The following RBFOX1 variants were observed in gnomAD, a reference collection of about 807,000 sequenced individuals.
RBFOX1 encodes the protein RNA binding fox-1 homolog 1, also known as RNA binding protein fox-1 homolog 1.
A neutral mutation model predicts 57.7 loss-of-function variants in RBFOX1; 8 were observed. That is an observed-to-expected ratio of 0.14 (90% confidence interval 0.08 to 0.25). The LOEUF is 0.25. RBFOX1 is among the 10% of genes least tolerant of loss of function. The pLI, the probability that RBFOX1 is intolerant of heterozygous loss-of-function variation, is 1.00. For synonymous variants in RBFOX1, 326 were observed against 222.4 expected, an observed-to-expected ratio of 1.47 and a Z score of -4.15; for missense variants, 611 against 548.5, an observed-to-expected ratio of 1.11 and a Z score of -1.14.
intron 3 of RBFOX1, among the ~76,000 whole-genome samples, chr16:6,800,118 A>G (rs2085034277): frequency 6.6e-6 from 1 of 152,054 alleles, no homozygotes; most frequent in Non-Finnish European, 1.5e-5. Flanking sequence ...ATGCAGATGT[A>G]TTATCGTTCC....
At chr16:5,249,363 C>A (rs565784125) in intron 1 of RBFOX1, among the ~76,000 whole-genome samples, 2 of 152,162 alleles carry the variant, frequency 1.3e-5, no homozygotes, top group African/African-American at 4.8e-5. Context: ...GGGGCCTGGC[C>A]GGGGCTTGTG....
At chr16:7,690,631 C>T (rs2077110256) in intron 14 of RBFOX1, among the ~76,000 whole-genome samples, 1 of 151,740 alleles carries the variant, frequency 6.6e-6, no homozygotes, top group African/African-American at 2.4e-5. Flanking sequence ...TCCTGAGAGG[C>T]AGCCCCACTG....
intron 3 of RBFOX1, among the ~76,000 whole-genome samples, chr16:6,852,796 A>T (rs1182793623): frequency 6.6e-6 from 1 of 151,742 alleles, no homozygotes; most frequent in African/African-American, 2.4e-5. Context: ...GCTGGGAACT[A>T]GCTGTCCAGG....
chr16:6,194,130 C>T (rs564554909), intron 1 of RBFOX1, among the ~76,000 whole-genome samples: 1 of 152,230 alleles, frequency 6.6e-6, no homozygotes, highest in Non-Finnish European at 1.5e-5. Context: ...CGTTCCTTCC[C>T]TCATCCTCTC....
At chr16:5,240,009 G>T (rs1030458601) in exon 1 of RBFOX1, 291 of 1,531,288 alleles carry the variant, frequency 1.9e-4, no homozygotes, top group Non-Finnish European at 2.4e-4. Context: ...GGCTGGAGGG[G>T]GGAAGCGCAC....
chr16:7,618,993 G>A (rs1030663480), intron 10 of RBFOX1, among the ~76,000 whole-genome samples: 7 of 152,176 alleles, frequency 4.6e-5, no homozygotes, highest in African/African-American at 1.7e-4. Flanking sequence ...TATGCCGTAT[G>A]CTACGTTCTA....
At chr16:6,379,915 G>C (rs544881599) in intron 2 of RBFOX1, among the ~76,000 whole-genome samples, 65 of 152,290 alleles carry the variant, frequency 4.3e-4, no homozygotes, top group Non-Finnish European at 7.1e-4. Context: ...CTGGAAAGGG[G>C]CCTGATGGAG....
intron 1 of RBFOX1, among the ~76,000 whole-genome samples, chr16:6,220,962 G>T (rs12102657): frequency 0.44 from 66,822 of 151,850 alleles, 15,637 homozygotes; most frequent in East Asian, 0.75. Flanking sequence ...CACTCTGTGT[G>T]TGTGTGTGTA....
Position 5,755,645 on chromosome 16 carries a change from C to A in RBFOX1, c.319-111658C>A, listed in dbSNP as rs1405945010. ...CAGTGTTTCACTCTTGTTGCCTAGG[C>A]TAGAGTACAAAGGTGCAATTTTGGC... On this transcript the variant is annotated intron_variant, in intron 3 of 19. Transcript: ENST00000641259. 2.6e-5 allele frequency among the ~76,000 whole-genome samples: 4 copies of A among 152,166 alleles called. No individual in the cohort carries two copies. The South Asian group carries it at 8.3e-4, about 32-fold the overall frequency.
chr16:6,528,034 C>T lies in RBFOX1; in HGVS notation c.-63-126569C>T, dbSNP rs1358040998. Among the ~76,000 whole-genome samples, 7 of 152,194 alleles carry T rather than the reference C, an allele frequency of 4.6e-5. No homozygotes were observed. The East Asian group carries it at 1.4e-3, about 29-fold the overall frequency. On this transcript the variant is annotated intron_variant, in intron 2 of 15. Transcript: ENST00000550418. ...GCATGGATTTCTCTATGTTGAATTT[C>T]CTTCTACCTTACATCCTTTCCACCC...
At chr16:6,486,456 G>T (rs933897017) in intron 2 of RBFOX1, among the ~76,000 whole-genome samples, 1 of 152,040 alleles carries the variant, frequency 6.6e-6, no homozygotes, top group Non-Finnish European at 1.5e-5. Context: ...ATTAAACTTA[G>T]TTGTGTTTAG....
chr16:6,092,870 A>C (rs376928452), intron 1 of RBFOX1: 1 of 152,174 alleles, frequency 6.6e-6, no homozygotes, highest in East Asian at 1.9e-4. Context: ...TTGACTATTC[A>C]GGCTCTTTTT....
chr16:6,900,145 G>T (rs1435340529), intron 3 of RBFOX1, among the ~76,000 whole-genome samples: 3 of 152,154 alleles, frequency 2.0e-5, no homozygotes, highest in Non-Finnish European at 4.4e-5. Context: ...ATTGCTGGTG[G>T]TGGTGGTGGT....
intron 3 of RBFOX1, among the ~76,000 whole-genome samples, chr16:6,845,498 A>G (rs1255574453): frequency 6.6e-6 from 1 of 152,016 alleles, no homozygotes; most frequent in Non-Finnish European, 1.5e-5. Flanking sequence ...GGGGGTGTGC[A>G]GTCTTATTTC....
At chr16:6,816,422 A>T (rs1603628292) in intron 3 of RBFOX1, among the ~76,000 whole-genome samples, 2 of 140,744 alleles carry the variant, frequency 1.4e-5, no homozygotes, top group Non-Finnish European at 1.5e-5. Flanking sequence ...CCTTCATGTA[A>T]TTTTTTTTTT....
intron 3 of RBFOX1, among the ~76,000 whole-genome samples, chr16:6,930,612 G>C (rs561310897): frequency 2.0e-5 from 3 of 152,184 alleles, no homozygotes; most frequent in African/African-American, 7.2e-5. Context: ...GTTTTACCAT[G>C]TTGGCCAGGC....
At chr16:6,720,332 C>T (rs183618073) in intron 3 of RBFOX1, among the ~76,000 whole-genome samples, 2 of 152,238 alleles carry the variant, frequency 1.3e-5, no homozygotes, top group East Asian at 1.9e-4. Flanking sequence ...CTTTTGCCTT[C>T]TGCCCTAATT....
At chr16:6,712,453 C>G (rs191563751) in intron 3 of RBFOX1, among the ~76,000 whole-genome samples, 32 of 152,212 alleles carry the variant, frequency 2.1e-4, no homozygotes, top group African/African-American at 7.0e-4. Flanking sequence ...CCATCCTAAC[C>G]TTTCCTCTCA....
chr16:5,280,816 C>G (rs1347991920), intron 1 of RBFOX1, among the ~76,000 whole-genome samples: 1 of 151,236 alleles, frequency 6.6e-6, no homozygotes, highest in Non-Finnish European at 1.5e-5. Context: ...ATTTGGGTCT[C>G]CTTTCTTTCT....
Sources: gnomAD v4.1 joint callset for allele counts (sites outside exome capture counted in the v4.1 genomes callset) on GRCh38, gnomAD v4.1.1 for gene constraint, MANE v1.5 for transcripts, NCBI Gene and HGNC (gene_info 2026-07-23, HGNC 2026-07-21) for gene names.